Variants in DPP3 observed in about 807,000 individuals in gnomAD.
DPP3 encodes dipeptidyl peptidase 3.
DPP3 carries 64 observed loss-of-function variants against 89.8 expected under a neutral mutation model. That is an observed-to-expected ratio of 0.71 (90% CI 0.58 to 0.88). The LOEUF (loss-of-function observed/expected upper bound fraction) is 0.88. DPP3 is among the 40% of genes least tolerant of loss of function. The probability of loss-of-function intolerance (pLI) is 0.00; values close to 1 mark genes in which losing one functional copy is unlikely to be tolerated. For synonymous variants in DPP3, 377 were observed against 404.3 expected (o/e 0.93, Z 0.81); for missense variants, 835 against 972.5 (o/e 0.86, Z 1.88).
chr11:66,491,545 AG>A lies in DPP3; in HGVS notation c.851del (p.Ser284ThrfsTer49). ...GCAGATGCTGGCCCAGTATATAGAGAGCTTCACCCAGGGCTCCATCGAGGCC... is the reference window on the plus strand; with the variant it reads ...GCAGATGCTGGCCCAGTATATAGAGACTTCACCCAGGGCTCCATCGAGGCC... Reference protein sequence around the residue: ...QGQMLAQYIESFTQGSIEAHK... With the variant: ...QGQMLAQYIEXFTQGSIEAHK... On this transcript the variant is annotated frameshift_variant, in exon 8 of 18. Transcript: ENST00000531863. LOFTEE classifies it high-confidence loss of function. The A allele has an allele frequency of 6.2e-7, 1 of 1,613,270 alleles. No individual in the cohort carries two copies. The highest frequency in any genetic ancestry group is 8.5e-7 in the Non-Finnish European group (1 of 1,179,744).
At chr11:66,480,561 C>T in intron 1 of DPP3, 96 bp downstream of exon 1, 1 of 1,356,314 alleles carries the variant, frequency 7.4e-7, no homozygotes, top group Non-Finnish European at 9.6e-7. Context: ...CCTTTCTGCC[C>T]ACTCTCCAGT....
At chr11:66,506,077 T>C (rs1020964698) in intron 17 of DPP3, among the ~76,000 whole-genome samples, 4 of 151,890 alleles carry the variant, frequency 2.6e-5, no homozygotes, top group African/African-American at 9.7e-5. Flanking sequence ...GTCTCCCGAG[T>C]AGCTGGTATA....
intron 15 of DPP3, among the ~76,000 whole-genome samples, chr11:66,496,657 G>A (rs533806524): frequency 3.3e-5 from 5 of 152,074 alleles, no homozygotes; most frequent in South Asian, 2.1e-4. Flanking sequence ...CTTGTGATCC[G>A]CCCGCCTCGG....
chr11:66,504,111 T>G (rs1470169531), intron 16 of DPP3, among the ~76,000 whole-genome samples: 4 of 152,030 alleles, frequency 2.6e-5, no homozygotes, highest in Admixed American at 2.6e-4. Flanking sequence ...TGAAGCCTGT[T>G]TTCCTTTTTC....
At chr11:66,486,326 C>T (rs1855225811) in intron 3 of DPP3, among the ~76,000 whole-genome samples, 1 of 152,180 alleles carries the variant, frequency 6.6e-6, no homozygotes, top group African/African-American at 2.4e-5. Context: ...GCATCTCTCC[C>T]TCCTCTGCCT....
chr11:66,499,812 C>T (rs1855634458), intron 16 of DPP3, among the ~76,000 whole-genome samples: 1 of 151,882 alleles, frequency 6.6e-6, no homozygotes, highest in African/African-American at 2.4e-5. Context: ...AGGCTATATT[C>T]ACCTTTTATC....
At chr11:66,505,503 A>T (rs1262558076) in intron 17 of DPP3, among the ~76,000 whole-genome samples, 1 of 152,222 alleles carries the variant, frequency 6.6e-6, no homozygotes, top group Non-Finnish European at 1.5e-5. Flanking sequence ...TGCTGATGTT[A>T]TCGTGAACCT....
intron 16 of DPP3, among the ~76,000 whole-genome samples, chr11:66,498,518 T>C (rs1372581464): frequency 6.6e-6 from 1 of 152,216 alleles, no homozygotes; most frequent in African/African-American, 2.4e-5. Flanking sequence ...TGTGAGGCAC[T>C]GTGCCCAGCC....
chr11:66,495,514 G>A (rs756046452), intron 14 of DPP3, 25 bp downstream of exon 14: 42 of 1,609,172 alleles, frequency 2.6e-5, no homozygotes, highest in Non-Finnish European at 3.3e-5. Flanking sequence ...GCCGAGGGGC[G>A]GGCTGTCCCG....
In DPP3 at chr11:66,491,734, T is replaced by G; in HGVS notation, c.966T>G (p.Phe322Leu). The G allele has an allele frequency of 6.2e-7, 1 of 1,613,746 alleles. No homozygotes were observed. The highest frequency in any genetic ancestry group is 8.5e-7 in the Non-Finnish European group (1 of 1,179,872). The part of the protein sequence containing the change: ...IGFIESYRDP[F>L]GSRGEFEGFV... ...TCATCGAGAGCTACCGCGACCCCTT[T>G]GGTTCCCGAGGAGAATTTGAAGGTA... Residue 322 changes from phenylalanine to leucine, a missense_variant, in exon 9 of 18, where the codon TTT (phenylalanine) becomes TTG (leucine). Transcript: ENST00000531863.
chr11:66,492,569 C>T (rs1855419615), intron 9 of DPP3, 147 bp from the exon 10 acceptor site: 1 of 941,456 alleles, frequency 1.1e-6, no homozygotes, highest in Non-Finnish European at 1.6e-6. Context: ...CCAGTAGGGC[C>T]CAGGCCTGGG....
At position 66,491,317 on chromosome 11, in the gene DPP3, C is replaced by T; in HGVS notation, c.732C>T (p.Phe244=). The T allele has an allele frequency of 6.2e-7, 1 of 1,614,026 alleles. No homozygotes were observed. The change falls in exon 7 of 18, where the codon TTC becomes TTT. Residue 244 remains phenylalanine, a synonymous_variant. Transcript: ENST00000531863. ...LKSYEFRGSP[F]QVTRGDYAPI... ...GCTATGAATTCCGGGGAAGCCCTTT[C>T]CAGGTGACCCGGGGGGACTACGCGC...
In DPP3 at chr11:66,487,973, C is replaced by T. The variant is rs147948845; in HGVS notation, c.633C>T (p.Tyr211=). 6.2e-7 allele frequency: 1 copy of T among 1,614,102 alleles called. No individual in the cohort carries two copies. Among genetic ancestry groups the T allele is most frequent in the Non-Finnish European group, 8.5e-7 (1 of 1,179,980 alleles). The change falls in exon 6 of 18, where the codon TAC becomes TAT. Residue 211 remains tyrosine (Y), a synonymous_variant. Transcript: ENST00000531863. ...AGGTCGATGGAGAAGGGAAGCCCTACTACGAGGTGCGGCTGGCTTCTGTGC... is the reference window on the plus strand; with the variant it reads ...AGGTCGATGGAGAAGGGAAGCCCTATTACGAGGTGCGGCTGGCTTCTGTGC... ...FKEVDGEGKP[Y]YEVRLASVLG...
At chr11:66,500,329 G>A (rs764706374) in intron 16 of DPP3, among the ~76,000 whole-genome samples, 1 of 152,054 alleles carries the variant, frequency 6.6e-6, no homozygotes, top group Non-Finnish European at 1.5e-5. Flanking sequence ...ACTCCATCGC[G>A]GGCAATACAG....
chr11:66,500,791 C>T (rs1438646933), intron 16 of DPP3, among the ~76,000 whole-genome samples: 16 of 152,196 alleles, frequency 1.1e-4, no homozygotes, highest in South Asian at 2.1e-4. Context: ...CGCACTGGCT[C>T]ACGCCTGTAA....
chr11:66,501,405 G>A (rs1277450708), intron 16 of DPP3, among the ~76,000 whole-genome samples: 4 of 151,644 alleles, frequency 2.6e-5, no homozygotes, highest in Non-Finnish European at 5.9e-5. Flanking sequence ...TAGAGGAGAT[G>A]AAGTTGTGTG....
intron 4 of DPP3, among the ~76,000 whole-genome samples, 181 bp downstream of exon 4, chr11:66,486,858 C>G (rs1472038741): frequency 6.6e-6 from 1 of 152,116 alleles, no homozygotes; most frequent in African/African-American, 2.4e-5. Flanking sequence ...CATGTTGGGT[C>G]GAATGCTTTC....
chr11:66,504,642 G>A lies in DPP3; in HGVS notation c.1909G>A (p.Gly637Arg). 1 of 1,612,708 alleles carries A rather than the reference G, an allele frequency of 6.2e-7. No individual in the cohort carries two copies. Among genetic ancestry groups the A allele is most frequent in the Non-Finnish European group, 8.5e-7 (1 of 1,179,434 alleles). The change falls in exon 17 of 18, where the codon GGG (glycine) becomes AGG (arginine). Residue 637 changes from glycine (G) to arginine (R), a missense_variant. Gly to Arg is a moderately radical substitution (Grantham distance 125, BLOSUM62 -2). Coordinates refer to ENST00000531863, the MANE Select transcript of DPP3 (RefSeq NM_130443.4). The stretch of plus-strand genomic sequence containing the variant: ...GAAGTCCACAGGGGATGTGGCCGGA[G>A]GGCGGGCCCTGTACGAGGGGTATGC... ...VLKSTGDVAG[G>R]RALYEGYATV...
chr11:66,480,709 ACT>A (rs145573908), intron 1 of DPP3: 70 of 408,000 alleles, frequency 1.7e-4, no homozygotes, highest in South Asian at 5.1e-4. Context: ...GAGGCTGGAC[ACT>A]CTGTCCCAGC....
Sources: allele counts gnomAD v4.1 joint callset (sites outside exome capture counted in the v4.1 genomes callset), GRCh38; gene constraint gnomAD v4.1.1; transcripts MANE v1.5; gene names NCBI Gene and HGNC (gene_info 2026-07-23, HGNC 2026-07-21).